Variants in PRKRA observed in about 807,000 individuals in gnomAD.
PRKRA encodes protein activator of interferon induced protein kinase EIF2AK2, also known as interferon-inducible double-stranded RNA-dependent protein kinase activator A.
In PRKRA, 22 loss-of-function variants were observed where a neutral mutation model predicts 32.4. The ratio of observed to expected loss-of-function variants is 0.68; its 90% CI spans 0.49 to 0.97. PRKRA has a LOEUF of 0.97. Among genes scored for constraint, PRKRA ranks in the 50% least tolerant of loss-of-function variants. The pLI, the probability that PRKRA is intolerant of heterozygous loss-of-function variation, is 0.00. For synonymous variants in PRKRA, 139 were observed against 129.8 expected (o/e 1.07, Z -0.48); for missense variants, 319 against 375.6 (o/e 0.85, Z 1.25).
chr2:178,447,350 T>C, intron 3 of PRKRA, 155 bp downstream of exon 3: 1 of 1,337,198 alleles, frequency 7.5e-7, no homozygotes, highest in Non-Finnish European at 1.0e-6. Context: ...TAAAGTTTTC[T>C]TTAATGGATG....
rs1575105155 is a variant in PRKRA at position 178,450,618 on chromosome 2, G to A, written c.66-207C>T. On this transcript the variant is annotated intron_variant, in intron 1 of 7. Transcript: ENST00000325748. ...CGCAGGAGCAGGCGGGGTGAGCGAGGTCTTTAGAGAGAGCACTTGAATGCG... is the reference window on the plus strand; with the variant it reads ...CGCAGGAGCAGGCGGGGTGAGCGAGATCTTTAGAGAGAGCACTTGAATGCG... 5 of 1,458,400 alleles carry A rather than the reference G, an allele frequency of 3.4e-6. No homozygotes were observed. The Admixed American group carries it at 1.1e-4, about 31-fold the overall frequency. The allele number at this position is 1,458,400 out of a possible 1,614,324, so 90.3% of individuals were successfully genotyped here.
Position 178,443,438 on chromosome 2 carries a change from A to G in PRKRA, c.397-54T>C, listed in dbSNP as rs867799557. The G allele has an allele frequency of 7.7e-5, 63 of 817,596 alleles. 1 individual carries two copies. Among genetic ancestry groups the G allele is most frequent in the South Asian group, 3.3e-4 (20 of 60,118 alleles). The allele number at this position is 817,596 out of a possible 1,614,324, so 50.6% of individuals were successfully genotyped here. A position where few individuals can be genotyped will look rare whatever the true frequency, so the allele number is the denominator to read the frequency against. ...TAATTTTATGCAATGGCTCAATCAC[A>G]TAAGTGTTTTCTTAATTTTGATCCC... On this transcript the variant is annotated intron_variant, in intron 4 of 7. Transcript: ENST00000325748.
chr2:178,436,142 T>C lies in PRKRA; in HGVS notation c.784+3A>G. ...GGGAAAGCCAAAGAAAAAAAAATCATACCTATATCCAAATATGTTATATTA... is the reference window on the plus strand; with the variant it reads ...GGGAAAGCCAAAGAAAAAAAAATCACACCTATATCCAAATATGTTATATTA... On this transcript the variant is annotated splice_donor_region_variant and intron_variant, in intron 7 of 7. Transcript: ENST00000325748. The C allele has an allele frequency of 1.3e-6, 1 of 793,676 alleles. No homozygotes were observed. Among genetic ancestry groups the C allele is most frequent in the Non-Finnish European group, 1.8e-6 (1 of 547,890 alleles). The allele number at this position is 793,676 out of a possible 1,614,324, so 49.2% of individuals were successfully genotyped here. A position where few individuals can be genotyped will look rare whatever the true frequency, so the allele number is the denominator to read the frequency against.
chr2:178,450,876 C>G (rs985068848), intron 1 of PRKRA, 90 bp downstream of exon 1: 4 of 1,252,396 alleles, frequency 3.2e-6, no homozygotes, highest in Non-Finnish European at 3.0e-6. Context: ...ACGGCTTTAC[C>G]CAGAATGCCT....
At chr2:178,450,737 C>A (rs1163746713) in intron 1 of PRKRA, 1 of 1,363,462 alleles carries the variant, frequency 7.3e-7, no homozygotes, top group Admixed American at 3.5e-5. Context: ...GCCGACCGAG[C>A]GTCACCTCCG....
chr2:178,450,941 G>A, intron 1 of PRKRA, 25 bp downstream of exon 1: 1 of 788,472 alleles, frequency 1.3e-6, no homozygotes, highest in Admixed American at 4.5e-5. Context: ...CCCGGCCCTG[G>A]GGCCCTGACT....
At chr2:178,442,474 C>A (rs13427914) in intron 5 of PRKRA, among the ~76,000 whole-genome samples, 1,867 of 152,148 alleles carry the variant, frequency 0.012, 35 homozygotes, top group African/African-American at 0.042. Context: ...TTGAAAGATA[C>A]CATAAATATC....
chr2:178,447,731 A>C, intron 2 of PRKRA, 145 bp from the exon 3 acceptor site: 3 of 836,428 alleles, frequency 3.6e-6, no homozygotes, highest in Non-Finnish European at 5.7e-6. Context: ...TATACTGTAC[A>C]TAAAAATATG....
rs750714380 is a variant in PRKRA, at chr2:178,450,360, T to C, written c.117A>G (p.Leu39=). 1.2e-6 allele frequency: 2 copies of C among 1,614,286 alleles called. No individual in the cohort carries two copies. Among genetic ancestry groups the C allele is most frequent in the Admixed American group, 1.7e-5 (1 of 60,036 alleles). The change falls in exon 2 of 8, where the codon TTA becomes TTG. Residue 39 remains leucine, a synonymous_variant. Coordinates refer to ENST00000325748, the MANE Select transcript of PRKRA (RefSeq NM_003690.5). ...TCTTGGTCTTCATGCCGTATTCGTG[T>C]AATACCTGAATCGGTGTTTTCCCTG... ...AKPGKTPIQV[L]HEYGMKTKNI...
intron 6 of PRKRA, 37 bp from the exon 7 acceptor site, chr2:178,436,356 G>C: frequency 1.5e-5 from 13 of 871,920 alleles, no homozygotes; most frequent in Non-Finnish European, 2.1e-5. Flanking sequence ...CTCTTGACTA[G>C]GACTGGGTTC....
intron 5 of PRKRA, among the ~76,000 whole-genome samples, chr2:178,442,248 G>A (rs1697145308): frequency 1.3e-5 from 2 of 152,090 alleles, no homozygotes; most frequent in African/African-American, 2.4e-5. Context: ...TAATAGTTAT[G>A]CTTTCTGTTT....
Position 178,451,092 on chromosome 2 carries a change from C to A in PRKRA, c.-62G>T, listed in dbSNP as rs1697616410. On this transcript the variant is annotated 5_prime_UTR_variant, in exon 1 of 8. Coordinates refer to ENST00000325748, the MANE Select transcript of PRKRA (RefSeq NM_003690.5). ...GGTGCGGAGCGACGTGCTCGCTCCC[C>A]GGGTCGCTGGTCCCCGGGAGGAGCT... 14 of 1,514,236 alleles carry A rather than the reference C, an allele frequency of 9.2e-6. No individual in the cohort carries two copies. In the South Asian group the frequency reaches 1.7e-4, roughly 18 times the overall value. 93.8% of individuals were successfully genotyped at this position (1,514,236 alleles called of 1,614,324 possible).
chr2:178,433,524 T>C (rs1696755262), intron 7 of PRKRA: 1 of 152,224 alleles, frequency 6.6e-6, no homozygotes, highest in Non-Finnish European at 1.5e-5. Context: ...CTATTTTCCA[T>C]TTCATTAATG....
chr2:178,432,681 T>G (rs1389410429), intron 7 of PRKRA, among the ~76,000 whole-genome samples: 1 of 152,184 alleles, frequency 6.6e-6, no homozygotes, highest in Non-Finnish European at 1.5e-5. Flanking sequence ...AGAGATTGTA[T>G]TTTCCACTAG....
Position 178,451,095 on chromosome 2 carries a change from G to A in PRKRA, c.-65C>T. 4 of 1,511,300 alleles carry A rather than the reference G, an allele frequency of 2.6e-6. No homozygotes were observed. In the Middle Eastern group the frequency reaches 5.4e-4, roughly 205 times the overall value. The allele number at this position is 1,511,300 out of a possible 1,614,324, so 93.6% of individuals were successfully genotyped here. On this transcript the variant is annotated 5_prime_UTR_variant, in exon 1 of 8. Transcript: ENST00000325748. ...GCGGAGCGACGTGCTCGCTCCCCGG[G>A]TCGCTGGTCCCCGGGAGGAGCTCCA... is the stretch of plus-strand genomic sequence containing the variant.
chr2:178,450,465 G>A, intron 1 of PRKRA, 54 bp from the exon 2 acceptor site: 1 of 1,344,078 alleles, frequency 7.4e-7, no homozygotes, highest in South Asian at 1.4e-5. Context: ...GATTGAAGCA[G>A]AAGCGTAGAG....
Position 178,450,577 on chromosome 2 carries a change from G to A in PRKRA, c.66-166C>T, listed in dbSNP as rs1045405791. 2.0e-6 allele frequency: 3 copies of A among 1,503,992 alleles called. No individual in the cohort carries two copies. The African/African-American group carries it at 4.2e-5, about 21-fold the overall frequency. 93.2% of individuals were successfully genotyped at this position (1,503,992 alleles called of 1,614,324 possible). A position where few individuals can be genotyped will look rare whatever the true frequency, so the allele number is the denominator to read the frequency against. ...TGGGGCGCACCTGTCTTCCGGCCCC[G>A]CTGCGGCAGTCACTCCGCAGGAGCA... On this transcript the variant is annotated intron_variant, in intron 1 of 7. Coordinates refer to ENST00000325748, the MANE Select transcript of PRKRA (RefSeq NM_003690.5).
At chr2:178,434,381 G>A (rs1262280558) in intron 7 of PRKRA, among the ~76,000 whole-genome samples, 2 of 150,918 alleles carry the variant, frequency 1.3e-5, no homozygotes, top group African/African-American at 4.9e-5. Flanking sequence ...AAAGTGCTGG[G>A]ATTACAGGTG....
chr2:178,445,274 C>T (rs1559357507), intron 3 of PRKRA, among the ~76,000 whole-genome samples: 1 of 152,112 alleles, frequency 6.6e-6, no homozygotes, highest in Non-Finnish European at 1.5e-5. Context: ...ACTGAATAAG[C>T]GGCATTTCAA....
Sources: gnomAD v4.1 joint callset for allele counts (sites outside exome capture counted in the v4.1 genomes callset) on GRCh38, gnomAD v4.1.1 for gene constraint, MANE v1.5 for transcripts, NCBI Gene and HGNC (gene_info 2026-07-23, HGNC 2026-07-21) for gene names.